TBC1D5: variants seen among roughly 807,000 people sequenced by gnomAD.
TBC1D5 encodes the protein TBC1 domain family, member 5.
In TBC1D5, 75 loss-of-function variants were observed where a neutral mutation model predicts 100.3. That is an observed-to-expected ratio of 0.75 (90% CI 0.62 to 0.91). The LOEUF is 0.91. TBC1D5 is among the 40% of genes least tolerant of loss of function. The pLI is 0.00. For synonymous variants in TBC1D5, 323 were observed against 325.6 expected (o/e 0.99, Z 0.09); for missense variants, 910 against 942.4 (o/e 0.97, Z 0.45).
chr3:17,456,261 C>G (rs931818234), intron 3 of TBC1D5, among the ~76,000 whole-genome samples: 1 of 151,994 alleles, frequency 6.6e-6, no homozygotes, highest in African/African-American at 2.4e-5. Flanking sequence ...TGAGTAATAC[C>G]CCACAAGCAC....
intron 2 of TBC1D5, among the ~76,000 whole-genome samples, chr3:17,582,798 AAAC>A (rs1164077157): frequency 1.3e-5 from 2 of 151,968 alleles, no homozygotes; most frequent in Non-Finnish European, 2.9e-5. Flanking sequence ...AAAAAAACAA[AAAC>A]AAAAACAAAA....
intron 3 of TBC1D5, 54 bp downstream of exon 3, chr3:17,508,420 C>A: frequency 7.0e-7 from 1 of 1,426,560 alleles, no homozygotes; most frequent in Non-Finnish European, 9.9e-7. Context: ...TGAGGGCCCT[C>A]TGCTAGGTTT....
chr3:17,337,977 A>G (rs901585338), intron 13 of TBC1D5, among the ~76,000 whole-genome samples: 6 of 152,296 alleles, frequency 3.9e-5, no homozygotes, highest in Non-Finnish European at 8.8e-5. Flanking sequence ...CTTATTGCCA[A>G]TTTTGAATTT....
chr3:17,450,329 T>C (rs1242695139), intron 3 of TBC1D5, among the ~76,000 whole-genome samples: 1 of 152,086 alleles, frequency 6.6e-6, no homozygotes, highest in Non-Finnish European at 1.5e-5. Flanking sequence ...CCTCTTCTCC[T>C]CCAAAGGATC....
intron 4 of TBC1D5, among the ~76,000 whole-genome samples, chr3:17,408,951 T>C (rs1192131254): frequency 1.3e-5 from 2 of 152,154 alleles, no homozygotes; most frequent in East Asian, 1.9e-4. Flanking sequence ...ATTCTAAATA[T>C]GTCCTATTTC....
At chr3:17,261,596 C>T (rs1012999431) in intron 15 of TBC1D5, among the ~76,000 whole-genome samples, 23 of 152,286 alleles carry the variant, frequency 1.5e-4, no homozygotes, top group African/African-American at 5.5e-4. Flanking sequence ...ACCTCTGCCT[C>T]ATTGCAGCCT....
chr3:17,517,166 C>T (rs953845855), intron 2 of TBC1D5, among the ~76,000 whole-genome samples: 6 of 152,206 alleles, frequency 3.9e-5, no homozygotes, highest in Non-Finnish European at 5.9e-5. Context: ...AGGAAACAGT[C>T]ATCTTTAACT....
intron 3 of TBC1D5, among the ~76,000 whole-genome samples, chr3:17,461,172 C>T (rs1355582508): frequency 3.3e-5 from 5 of 152,106 alleles, no homozygotes; most frequent in African/African-American, 7.2e-5. Flanking sequence ...GTTTATGGTA[C>T]GTATTACTCT....
At chr3:17,399,241 G>C (rs1405221428) in intron 8 of TBC1D5, among the ~76,000 whole-genome samples, 2 of 152,074 alleles carry the variant, frequency 1.3e-5, no homozygotes, top group Admixed American at 6.6e-5. Flanking sequence ...TAGGCAAATA[G>C]AGTGATTATA....
intron 13 of TBC1D5, among the ~76,000 whole-genome samples, chr3:17,328,249 G>A (rs1343328618): frequency 1.3e-5 from 2 of 151,476 alleles, no homozygotes; most frequent in Non-Finnish European, 1.5e-5. Context: ...CAGCCTGAGT[G>A]ACAGAGGAGA....
At chr3:17,269,695 G>C (rs1021159838) in intron 15 of TBC1D5, among the ~76,000 whole-genome samples, 1 of 141,470 alleles carries the variant, frequency 7.1e-6, no homozygotes, top group African/African-American at 2.5e-5. Flanking sequence ...TCTGGGTTTA[G>C]GTCAGTTGAA....
At chr3:17,304,515 C>G (rs1003045668) in intron 14 of TBC1D5, among the ~76,000 whole-genome samples, 5 of 152,158 alleles carry the variant, frequency 3.3e-5, no homozygotes, top group Non-Finnish European at 5.9e-5. Flanking sequence ...TAAAATGATT[C>G]TCCCACCTCA....
intron 1 of TBC1D5, among the ~76,000 whole-genome samples, chr3:17,724,066 G>T (rs551835630): frequency 6.7e-6 from 1 of 148,382 alleles, no homozygotes. Flanking sequence ...TAGAAATCCC[G>T]ATTGGCAACT....
intron 3 of TBC1D5, among the ~76,000 whole-genome samples, chr3:17,486,917 C>T (rs979001436): frequency 6.6e-6 from 1 of 152,140 alleles, no homozygotes; most frequent in African/African-American, 2.4e-5. Flanking sequence ...TGGGTGGCTT[C>T]TCTAGTGGTG....
intron 15 of TBC1D5, among the ~76,000 whole-genome samples, chr3:17,284,819 C>G (rs2080999788): frequency 6.6e-6 from 1 of 152,032 alleles, no homozygotes; most frequent in African/African-American, 2.4e-5. Flanking sequence ...TAATCTATGT[C>G]AAAAAGTCTT....
chr3:17,330,755 G>A (rs1204905808), intron 13 of TBC1D5, among the ~76,000 whole-genome samples: 4 of 152,072 alleles, frequency 2.6e-5, no homozygotes, highest in Non-Finnish European at 4.4e-5. Flanking sequence ...CCTGGACACT[G>A]GACTTCATAA....
At chr3:17,171,254 T>C (rs577834952) in intron 19 of TBC1D5, among the ~76,000 whole-genome samples, 2 of 152,228 alleles carry the variant, frequency 1.3e-5, no homozygotes, top group East Asian at 3.9e-4. Flanking sequence ...CTGTTTAGAC[T>C]GTCTACCTAT....
At chr3:17,646,041 G>A (rs1164531904) in intron 1 of TBC1D5, among the ~76,000 whole-genome samples, 3 of 152,034 alleles carry the variant, frequency 2.0e-5, no homozygotes, top group Non-Finnish European at 4.4e-5. Context: ...TCAGAAATAG[G>A]GTCTTTACAG....
At chr3:17,703,548 T>C (rs991078843) in intron 1 of TBC1D5, among the ~76,000 whole-genome samples, 1 of 152,148 alleles carries the variant, frequency 6.6e-6, no homozygotes, top group African/African-American at 2.4e-5. Context: ...GCAAATGGCT[T>C]AAAATTTTAG....
Sources: gnomAD v4.1 joint callset for allele counts (sites outside exome capture counted in the v4.1 genomes callset) on GRCh38, gnomAD v4.1.1 for gene constraint, MANE v1.5 for transcripts, NCBI Gene and HGNC (gene_info 2026-07-23, HGNC 2026-07-21) for gene names.